The following SLIT2 variants were observed in gnomAD, a reference collection of about 807,000 sequenced individuals.
SLIT2 encodes the protein slit homolog 2 protein.
Under a neutral mutation model 185.7 loss-of-function variants are expected in SLIT2, and 41 were observed. The ratio of observed to expected loss-of-function variants is 0.22; its 90% CI spans 0.17 to 0.29. The LOEUF is 0.29. SLIT2 is among the 10% of genes least tolerant of loss of function. The pLI is 1.00. For synonymous variants in SLIT2, 693 were observed against 680.2 expected (o/e 1.02, Z -0.29); for missense variants, 1,571 against 1,909.0 (o/e 0.82, Z 3.30).
chr4:20,270,758 T>C (rs1713522191), intron 4 of SLIT2, among the ~76,000 whole-genome samples: 1 of 151,946 alleles, frequency 6.6e-6, no homozygotes, highest in Non-Finnish European at 1.5e-5. Flanking sequence ...ATTGACAAAG[T>C]GTATCCCTTT....
intron 29 of SLIT2, among the ~76,000 whole-genome samples, chr4:20,570,723 ATATATATG>A (rs1200811295): frequency 1.0e-4 from 4 of 39,214 alleles, no homozygotes; most frequent in African/African-American, 3.6e-4. Flanking sequence ...ATATATATAT[ATATATATG>A]TATATATATA....
intron 33 of SLIT2, among the ~76,000 whole-genome samples, chr4:20,602,709 T>G (rs901082326): frequency 8.5e-5 from 13 of 152,228 alleles, no homozygotes; most frequent in African/African-American, 2.7e-4. Flanking sequence ...AAAAGGAATA[T>G]GTACTTTGAG....
At chr4:20,544,177 A>G (rs985511926) in intron 21 of SLIT2, among the ~76,000 whole-genome samples, 1 of 152,190 alleles carries the variant, frequency 6.6e-6, no homozygotes, top group African/African-American at 2.4e-5. Context: ...GTATAGTAAA[A>G]AAATAAAATA....
intron 33 of SLIT2, among the ~76,000 whole-genome samples, chr4:20,609,233 C>T (rs530188127): frequency 7.5e-4 from 114 of 152,232 alleles, no homozygotes; most frequent in African/African-American, 2.7e-3. Flanking sequence ...TTCACTTCAT[C>T]AATTTCTATA....
At chr4:20,453,461 T>C (rs1712703411) in intron 4 of SLIT2, among the ~76,000 whole-genome samples, 1 of 152,174 alleles carries the variant, frequency 6.6e-6, no homozygotes. Flanking sequence ...AAAATGGTAA[T>C]ATGTAACATT....
chr4:20,603,566 C>CT (rs1283852673), intron 33 of SLIT2, among the ~76,000 whole-genome samples: 3 of 152,250 alleles, frequency 2.0e-5, no homozygotes, highest in Non-Finnish European at 2.9e-5. Flanking sequence ...ATATATGCTT[C>CT]TTTTTTTAGA....
At position 20,548,977 on chromosome 4, in the gene SLIT2, C is replaced by T. The variant is rs1183185459; in HGVS notation, c.2418-80C>T. ...TCAGTTAATAAGATGCTTTAATAAG[C>T]CTTAACTGCTTTATTTTTGGAAGTA... On this transcript the variant is annotated intron_variant, in intron 23 of 36. Coordinates refer to ENST00000504154, the MANE Select transcript of SLIT2 (RefSeq NM_004787.4). 3 of 787,324 alleles carry T rather than the reference C, an allele frequency of 3.8e-6. No homozygotes were observed. In the African/African-American group the frequency reaches 5.1e-5, roughly 13 times the overall value. The allele number at this position is 787,324 out of a possible 1,614,324, so 48.8% of individuals were successfully genotyped here.
At chr4:20,419,994 T>C (rs1393190602) in intron 4 of SLIT2, among the ~76,000 whole-genome samples, 1 of 152,126 alleles carries the variant, frequency 6.6e-6, no homozygotes, top group Non-Finnish European at 1.5e-5. Flanking sequence ...TGCAGCTGTC[T>C]CTATGGGTTC....
At chr4:20,371,843 C>T (rs1418843686) in intron 4 of SLIT2, among the ~76,000 whole-genome samples, 1 of 151,748 alleles carries the variant, frequency 6.6e-6, no homozygotes, top group Non-Finnish European at 1.5e-5. Context: ...ATACTGTACT[C>T]TTGTACTTTT....
Position 20,596,595 on chromosome 4 carries a change from A to G in SLIT2, c.3501A>G (p.Lys1167=). 1 of 1,614,010 alleles carries G rather than the reference A, an allele frequency of 6.2e-7. No homozygotes were observed. The highest frequency in any genetic ancestry group is 8.5e-7 in the Non-Finnish European group (1 of 1,179,926). Residue 1167 remains lysine (K), a synonymous_variant, in exon 32 of 37, where the codon AAA becomes AAG. Coordinates refer to ENST00000504154, the MANE Select transcript of SLIT2 (RefSeq NM_004787.4). ...TGGTTAGTGTGAATTTTATAAACAA[A>G]GAGTCTTATCTTCAGATTCCTTCAG... The part of the protein sequence containing the change: ...EKLVSVNFIN[K]ESYLQIPSAK...
At chr4:20,520,363 T>C (rs1025434042) in intron 12 of SLIT2, among the ~76,000 whole-genome samples, 1 of 152,202 alleles carries the variant, frequency 6.6e-6, no homozygotes, top group African/African-American at 2.4e-5. Flanking sequence ...TAAAACTTGG[T>C]GGTTAATCAT....
intron 4 of SLIT2, among the ~76,000 whole-genome samples, chr4:20,412,833 C>T (rs1727364672): frequency 6.6e-6 from 1 of 151,994 alleles, no homozygotes; most frequent in African/African-American, 2.4e-5. Context: ...TATTAAAAGA[C>T]AATTATTTTT....
At chr4:20,368,227 A>G (rs1240355837) in intron 4 of SLIT2, among the ~76,000 whole-genome samples, 1 of 150,622 alleles carries the variant, frequency 6.6e-6, no homozygotes, top group Non-Finnish European at 1.5e-5. Context: ...AGCAAAAAAA[A>G]AAAAAAAGAA....
intron 5 of SLIT2, among the ~76,000 whole-genome samples, chr4:20,479,091 A>G (rs116746038): frequency 0.024 from 3,727 of 152,340 alleles, 48 homozygotes; most frequent in African/African-American, 0.034. Context: ...TATACAGGCA[A>G]TAAAATTGTA....
At chr4:20,300,045 TA>T in intron 4 of SLIT2, among the ~76,000 whole-genome samples, 1 of 152,268 alleles carries the variant, frequency 6.6e-6, no homozygotes, top group African/African-American at 2.4e-5. Context: ...TGGAACATTT[TA>T]ATGCTCATAA....
intron 4 of SLIT2, among the ~76,000 whole-genome samples, chr4:20,373,112 C>T (rs1483776548): frequency 6.6e-6 from 1 of 152,064 alleles, no homozygotes; most frequent in Non-Finnish European, 1.5e-5. Flanking sequence ...CTGACTTTGA[C>T]CTCTCACTTC....
At chr4:20,290,080 T>G (rs1715650261) in intron 4 of SLIT2, among the ~76,000 whole-genome samples, 1 of 152,152 alleles carries the variant, frequency 6.6e-6, no homozygotes, top group Admixed American at 6.6e-5. Context: ...CCCAGTTGCC[T>G]CCCTACACCT....
intron 4 of SLIT2, among the ~76,000 whole-genome samples, chr4:20,461,161 C>T (rs1487413799): frequency 6.6e-6 from 1 of 152,102 alleles, no homozygotes; most frequent in Admixed American, 6.6e-5. Context: ...TTTAACTCTC[C>T]ATCTCACGGT....
chr4:20,411,626 T>A (rs1727265702), intron 4 of SLIT2, among the ~76,000 whole-genome samples: 1 of 152,194 alleles, frequency 6.6e-6, no homozygotes, highest in African/African-American at 2.4e-5. Context: ...TTGTTTTAGG[T>A]CACTTACATA....
Sources: allele counts gnomAD v4.1 joint callset (sites outside exome capture counted in the v4.1 genomes callset), GRCh38; gene constraint gnomAD v4.1.1; transcripts MANE v1.5; gene names NCBI Gene and HGNC (gene_info 2026-07-23, HGNC 2026-07-21).